The following SIK3 variants were observed in gnomAD, a reference collection of about 807,000 sequenced individuals.
The protein encoded by SIK3 is SIK family kinase 3, also known as serine/threonine-protein kinase SIK3.
In SIK3, 28 loss-of-function variants were observed where a neutral mutation model predicts 144.2. The ratio of observed to expected loss-of-function variants is 0.19; its 90% CI spans 0.14 to 0.27. SIK3 has a LOEUF of 0.27. Among genes scored for constraint, SIK3 ranks in the 10% least tolerant of loss-of-function variants. The pLI is 1.00. For missense variants in SIK3, 1,319 were observed against 1,776.0 expected (o/e 0.74, Z 4.62); for synonymous variants, 686 against 676.3 (o/e 1.01, Z -0.22).
intron 1 of SIK3, among the ~76,000 whole-genome samples, chr11:117,095,192 TAAAAAAA>T (rs3057848): frequency 2.5e-5 from 3 of 122,176 alleles, no homozygotes; most frequent in Non-Finnish European, 3.4e-5. Context: ...CATGTGTGTT[TAAAAAAA>T]AAAAAAAAAA....
chr11:117,044,295 T>C (rs1448041595), intron 1 of SIK3, among the ~76,000 whole-genome samples: 1 of 152,208 alleles, frequency 6.6e-6, no homozygotes, highest in Non-Finnish European at 1.5e-5. Flanking sequence ...TAAAAAAGTT[T>C]AGTACTTATA....
chr11:116,947,571 T>TA (rs1565488195), intron 3 of SIK3, among the ~76,000 whole-genome samples: 663 of 34,982 alleles, frequency 0.019, 4 homozygotes, highest in Middle Eastern at 0.061. Flanking sequence ...ATGTATGTAT[T>TA]TTTTTTTTTT....
At chr11:117,081,686 A>G (rs1954796846) in intron 1 of SIK3, among the ~76,000 whole-genome samples, 1 of 152,220 alleles carries the variant, frequency 6.6e-6, no homozygotes, top group Non-Finnish European at 1.5e-5. Context: ...CGGGAAAGAG[A>G]GAGCTATATG....
Position 116,858,191 on chromosome 11 carries a change from C to A in SIK3, c.3274G>T (p.Ala1092Ser), listed in dbSNP as rs748025109. Residue 1092 changes from alanine (A) to serine (S), a missense_variant, in exon 21 of 25, where the codon GCT becomes TCT. Ala to Ser is a moderately conservative substitution (Grantham distance 99). Coordinates refer to ENST00000445177, the MANE Select transcript of SIK3 (RefSeq NM_001366686.3). This position sits in a 1 kb window ranked among gnomAD's most constrained non-coding sequence, Gnocchi z 5.4. ...GAGTCAGCATTTTGATAAGATAAAG[C>A]CTGGCGCTCTGTCATGCTCTGTCCC... Reference protein sequence around the residue: ...LGGQSMTERQALSYQNADSYH... With the variant: ...LGGQSMTERQSLSYQNADSYH... The A allele has an allele frequency of 1.7e-5, 28 of 1,613,986 alleles. No individual in the cohort carries two copies. Among genetic ancestry groups the A allele is most frequent in the Admixed American group, 3.3e-5 (2 of 60,000 alleles).
At chr11:117,080,530 A>C (rs555293805) in intron 1 of SIK3, among the ~76,000 whole-genome samples, 282 of 152,360 alleles carry the variant, frequency 1.9e-3, no homozygotes, top group African/African-American at 6.4e-3. Flanking sequence ...TTTTAAAATA[A>C]GTCTACGTGT....
At chr11:116,857,714 T>C (rs1470972524) in intron 21 of SIK3, 96 bp downstream of exon 21, 13 of 1,478,012 alleles carry the variant, frequency 8.8e-6, no homozygotes, top group South Asian at 1.4e-5. Flanking sequence ...CTTTTTTTCT[T>C]AGGAACACAG....
intron 6 of SIK3, among the ~76,000 whole-genome samples, chr11:116,890,374 G>A (rs1027387871): frequency 2.6e-5 from 4 of 152,204 alleles, no homozygotes; most frequent in Non-Finnish European, 4.4e-5. Context: ...GACCAAAGAA[G>A]GGGCAATGAC....
At chr11:116,855,876 C>T (rs375202897) in intron 21 of SIK3, 8 of 152,332 alleles carry the variant, frequency 5.3e-5, no homozygotes, top group African/African-American at 1.4e-4. Context: ...TAAATGAATC[C>T]GTATGTGAAC....
At chr11:117,092,865 G>C (rs1455084343) in intron 1 of SIK3, among the ~76,000 whole-genome samples, 1 of 152,186 alleles carries the variant, frequency 6.6e-6, no homozygotes. Flanking sequence ...TTCTGGCACA[G>C]AAATAACTAG....
intron 1 of SIK3, among the ~76,000 whole-genome samples, chr11:116,971,803 T>C (rs1949771147): frequency 6.6e-6 from 1 of 151,998 alleles, no homozygotes; most frequent in East Asian, 1.9e-4. Flanking sequence ...AAATGAGGAA[T>C]AATGGCCAGG....
intron 21 of SIK3, among the ~76,000 whole-genome samples, chr11:116,855,102 A>ACAAAAAAAAAAAC: frequency 6.9e-6 from 1 of 144,456 alleles, no homozygotes; most frequent in South Asian, 2.3e-4. Context: ...AAAAAAAAAA[A>ACAAAAAAAAAAAC]AAAAAAACTT....
chr11:117,055,404 C>T (rs1012640843), intron 1 of SIK3, among the ~76,000 whole-genome samples: 2 of 152,186 alleles, frequency 1.3e-5, no homozygotes, highest in African/African-American at 4.8e-5. Context: ...TCTAGTCTCC[C>T]CACTCTTACT....
At chr11:116,941,566 A>T (rs1467373213) in intron 3 of SIK3, among the ~76,000 whole-genome samples, 1 of 152,212 alleles carries the variant, frequency 6.6e-6, no homozygotes, top group Non-Finnish European at 1.5e-5. Context: ...AGTCTTTCTG[A>T]TCCTCTGTCC....
intron 4 of SIK3, among the ~76,000 whole-genome samples, chr11:116,901,429 G>T (rs1945734781): frequency 6.6e-6 from 1 of 152,138 alleles, no homozygotes; most frequent in Non-Finnish European, 1.5e-5. Flanking sequence ...CCCTCCCAAG[G>T]TTCTAAAATT....
At chr11:117,049,595 GAAGC>G (rs1953132840) in intron 1 of SIK3, among the ~76,000 whole-genome samples, 1 of 151,792 alleles carries the variant, frequency 6.6e-6, no homozygotes, top group Non-Finnish European at 1.5e-5. Flanking sequence ...AAGAAAGAAA[GAAGC>G]AAGGAAGAAA....
chr11:117,047,781 T>C (rs1221919887), intron 1 of SIK3, among the ~76,000 whole-genome samples: 6 of 152,142 alleles, frequency 3.9e-5, no homozygotes, highest in Admixed American at 3.9e-4. Context: ...CATATTTACT[T>C]ATATAAAAAA....
intron 1 of SIK3, among the ~76,000 whole-genome samples, chr11:116,985,238 T>A (rs1269238396): frequency 1.3e-5 from 2 of 152,172 alleles, no homozygotes; most frequent in East Asian, 1.9e-4. Context: ...AAGAGGGAAC[T>A]GTGCAGCTCC....
At chr11:117,040,071 G>A (rs1444499680) in intron 1 of SIK3, among the ~76,000 whole-genome samples, 1 of 152,194 alleles carries the variant, frequency 6.6e-6, no homozygotes, top group African/African-American at 2.4e-5. Flanking sequence ...CTAGATAAAT[G>A]ATAAATGTCA....
chr11:116,962,002 CT>C (rs1053095947), intron 1 of SIK3, among the ~76,000 whole-genome samples: 68 of 152,050 alleles, frequency 4.5e-4, no homozygotes, highest in Non-Finnish European at 8.2e-4. Context: ...AAACACAGTT[CT>C]TTTTAACTCA....
Sources: allele counts gnomAD v4.1 joint callset (sites outside exome capture counted in the v4.1 genomes callset), GRCh38; gene constraint gnomAD v4.1.1; non-coding constraint Gnocchi (gnomAD v3.1); transcripts MANE v1.5; gene names NCBI Gene and HGNC (gene_info 2026-07-23, HGNC 2026-07-21).